The following POMT1 variants were observed in gnomAD, a reference collection of about 807,000 sequenced individuals.
POMT1 encodes protein O-mannosyl-transferase 1.
A neutral mutation model predicts 101.6 loss-of-function variants in POMT1; 85 were observed. The ratio of observed to expected loss-of-function variants is 0.84; its 90% CI spans 0.70 to 1.00. POMT1 has a LOEUF of 1.00. Ranked by LOEUF, POMT1 falls within the 50% of genes least tolerant of loss-of-function variation. The probability of loss-of-function intolerance (pLI) is 0.00; values close to 1 mark genes in which losing one functional copy is unlikely to be tolerated. For missense variants in POMT1, 857 were observed against 930.4 expected, an observed-to-expected ratio of 0.92 and a Z score of 1.03; for synonymous variants, 371 against 383.0, an observed-to-expected ratio of 0.97 and a Z score of 0.37.
In POMT1 at chr9:131,518,333, G is replaced by A. The variant is rs1305626389; in HGVS notation, c.1273-112G>A. ...TATAGCTTCCCTCACTTGGGGACTT[G>A]TCCCTTTGTCTCAGGCTCAAGTCAG... On this transcript the variant is annotated intron_variant, in intron 13 of 19. Transcript: ENST00000402686. 6 of 956,228 alleles carry A rather than the reference G, an allele frequency of 6.3e-6. No individual in the cohort carries two copies. The South Asian group carries it at 6.5e-5, about 10-fold the overall frequency. The allele number at this position is 956,228 out of a possible 1,614,324, so 59.2% of individuals were successfully genotyped here.
In POMT1 at chr9:131,512,055, G is replaced by A. The variant is rs746867165; in HGVS notation, c.1001G>A (p.Arg334Gln). 16 of 1,613,960 alleles carry A rather than the reference G, an allele frequency of 9.9e-6. No individual in the cohort carries two copies. The highest frequency in any genetic ancestry group is 5.5e-5 in the South Asian group (5 of 91,086). The stretch of plus-strand genomic sequence containing the variant: ...ACTTCACACAGATATGAGAACGGCC[G>A]AGGCAGCTCCCACCAGCAACAGGTG... ...DTYPMIYENG[R>Q]GSSHQQQVTC... Residue 334 changes from arginine (R) to glutamine (Q), a missense_variant, in exon 11 of 20, where the codon CGA (arginine) becomes CAA (glutamine). Physicochemically the swap from Arg to Gln is conservative, Grantham distance 43. Coordinates refer to ENST00000402686, the MANE Select transcript of POMT1 (RefSeq NM_001077365.2).
At chr9:131,515,383 G>A (rs750684128) in intron 12 of POMT1, 43 bp from the exon 13 acceptor site, 2 of 1,578,074 alleles carry the variant, frequency 1.3e-6, no homozygotes, top group East Asian at 2.2e-5. Context: ...GCCTTCCAGA[G>A]GAGTTCAAGG....
rs147601415 is a variant in POMT1, at chr9:131,522,059, G to A, written c.1838G>A (p.Arg613His). 201 of 1,613,942 alleles carry A rather than the reference G, an allele frequency of 1.2e-4. No individual in the cohort carries two copies. The highest frequency in any genetic ancestry group is 1.6e-4 in the Middle Eastern group (1 of 6,084). The change falls in exon 19 of 20, where the codon CGC becomes CAC. Residue 613 changes from arginine (R) to histidine (H), a missense_variant. By Grantham distance (29) the Arg-to-His change is conservative. Transcript: ENST00000402686. This position sits in a 1 kb window ranked among gnomAD's most constrained non-coding sequence, Gnocchi z 5.5. ...VHDLPQDAWL[R>H]WVLAGALCAG... ...CCCTTTCCTATAGATGCCTGGCTGC[G>A]CTGGGTGCTGGCTGGGGCGCTGTGT...
chr9:131,506,257 G>A lies in POMT1; in HGVS notation c.229+37G>A, dbSNP rs1945791389. The A allele has an allele frequency of 1.9e-6, 3 of 1,598,878 alleles. No homozygotes were observed. In the East Asian group the frequency reaches 6.7e-5, roughly 36 times the overall value. On this transcript the variant is annotated intron_variant, in intron 3 of 19. Transcript: ENST00000402686. ...CAGGAGAGTAGCCCCTACCCTTCAG[G>A]ACCTCAAATACATTTAAAACTTATC... is the stretch of plus-strand genomic sequence containing the variant.
Position 131,510,253 on chromosome 9 carries a change from C to T in POMT1, c.700-7C>T, listed in dbSNP as rs1588380391. The T allele has an allele frequency of 1.2e-6, 2 of 1,614,256 alleles. No individual in the cohort carries two copies. The highest frequency in any genetic ancestry group is 4.5e-5 in the East Asian group (2 of 44,894). ...TGGAACATGACTTTTCTTTGAATCT[C>T]TGGCAGGTCTGTGTGTTCTGTCACT... On this transcript the variant is annotated splice_region_variant and splice_polypyrimidine_tract_variant and intron_variant, in intron 8 of 19. Transcript: ENST00000402686.
At chr9:131,520,730 A>T (rs1359953888) in intron 17 of POMT1, among the ~76,000 whole-genome samples, 1 of 152,224 alleles carries the variant, frequency 6.6e-6, no homozygotes, top group East Asian at 1.9e-4. Context: ...CTCTGAGCGC[A>T]CTTTGCATTC....
In POMT1 at chr9:131,520,118, C is replaced by T; in HGVS notation, c.1623C>T (p.His541=). ...CGCTGAGAAGTGATGACTCGGAACA[C>T]AAGTACAGCTCCAGCCCACTGGAGT... ...MLALRSDDSE[H]KYSSSPLEWV... is the part of the protein sequence containing the mutation. The change falls in exon 17 of 20, where the codon CAC becomes CAT. Residue 541 remains histidine, a synonymous_variant. Coordinates refer to ENST00000402686, the MANE Select transcript of POMT1 (RefSeq NM_001077365.2). The T allele has an allele frequency of 6.2e-7, 1 of 1,613,840 alleles. No homozygotes were observed. The highest frequency in any genetic ancestry group is 8.5e-7 in the Non-Finnish European group (1 of 1,180,020).
chr9:131,502,962 T>C lies in POMT1; in HGVS notation c.-142T>C, dbSNP rs1293795322. On this transcript the variant is annotated 5_prime_UTR_variant, in exon 1 of 20. Coordinates refer to ENST00000402686, the MANE Select transcript of POMT1 (RefSeq NM_001077365.2). Reference sequence around the variant, plus strand: ...GTGAATCGAACGTTGAGCAGGGCGGTGGGTGGTGCGGAGTGCCGAGCGGCC... The same window carrying C: ...GTGAATCGAACGTTGAGCAGGGCGGCGGGTGGTGCGGAGTGCCGAGCGGCC... 1 of 152,224 alleles carries C rather than the reference T, an allele frequency of 6.6e-6. No individual in the cohort carries two copies. The highest frequency in any genetic ancestry group is 1.5e-5 in the Non-Finnish European group (1 of 68,112). 9.4% of individuals were successfully genotyped at this position (152,224 alleles called of 1,614,324 possible). A position where few individuals can be genotyped will look rare whatever the true frequency, so the allele number is the denominator to read the frequency against.
Position 131,511,038 on chromosome 9 carries a change from T to A in POMT1, c.856-299T>A, listed in dbSNP as rs10901064. 0.78 allele frequency: 247,869 copies of A among 316,934 alleles called. 98,534 individuals are homozygous for A. Among genetic ancestry groups the A allele is most frequent in the East Asian group, 0.92 (13,992 of 15,244 alleles). The allele number at this position is 316,934 out of a possible 1,614,324, so 19.6% of individuals were successfully genotyped here. A position where few individuals can be genotyped will look rare whatever the true frequency, so the allele number is the denominator to read the frequency against. ...GCTCACCCTAGTCTTGGTTTTCTCA[T>A]CTCTTAGACAGACATCATCATTGCT... On this transcript the variant is annotated intron_variant, in intron 9 of 19. Transcript: ENST00000402686.
At chr9:131,518,799 T>C in intron 14 of POMT1, 38 bp from the exon 15 acceptor site, 1 of 1,613,784 alleles carries the variant, frequency 6.2e-7, no homozygotes, top group Non-Finnish European at 8.5e-7. Flanking sequence ...AGCCACGGCC[T>C]TCCCATCACG....
intron 5 of POMT1, among the ~76,000 whole-genome samples, 168 bp from the exon 6 acceptor site, chr9:131,508,743 G>A (rs2131625671): frequency 1.3e-5 from 2 of 152,316 alleles, no homozygotes; most frequent in African/African-American, 4.8e-5. Context: ...GATGTGTATT[G>A]GGTGATGACT....
chr9:131,505,725 C>T (rs1028003577), intron 2 of POMT1, among the ~76,000 whole-genome samples: 1 of 136,372 alleles, frequency 7.3e-6, no homozygotes, highest in Non-Finnish European at 1.5e-5. Context: ...ATTGGGTCAT[C>T]GCTAGCCACA....
chr9:131,514,042 C>T (rs946595630), intron 12 of POMT1, among the ~76,000 whole-genome samples: 10 of 152,210 alleles, frequency 6.6e-5, no homozygotes, highest in African/African-American at 2.4e-4. Context: ...CTGGAAAGGG[C>T]CCAGTAGCTG....
intron 14 of POMT1, 103 bp from the exon 15 acceptor site, chr9:131,518,734 C>G: frequency 6.3e-7 from 1 of 1,584,554 alleles, no homozygotes; most frequent in Admixed American, 1.7e-5. Context: ...CAAGGGGCAC[C>G]TGCTGACAGC....
chr9:131,511,481 T>C lies in POMT1; in HGVS notation c.986+14T>C, dbSNP rs1254131552. The C allele has an allele frequency of 6.2e-7, 1 of 1,613,886 alleles. No homozygotes were observed. The highest frequency in any genetic ancestry group is 8.5e-7 in the Non-Finnish European group (1 of 1,179,876). On this transcript the variant is annotated intron_variant, in intron 10 of 19. Coordinates refer to ENST00000402686, the MANE Select transcript of POMT1 (RefSeq NM_001077365.2). ...CTACCCCATGATGTAAGGTGATGGT[T>C]TTACTTTGAAGATAATTAAATGCTT...
intron 13 of POMT1, chr9:131,516,996 T>C (rs1470424630): frequency 6.6e-6 from 1 of 152,306 alleles, no homozygotes; most frequent in Non-Finnish European, 1.5e-5. Context: ...AAAAGTCTTC[T>C]GTTACTGGAC....
In POMT1 at chr9:131,523,350, CAGGG is replaced by C. The variant is rs1950336701; in HGVS notation, c.*247_*250del. On this transcript the variant is annotated 3_prime_UTR_variant, in exon 20 of 20. Coordinates refer to ENST00000402686, the MANE Select transcript of POMT1 (RefSeq NM_001077365.2). Reference sequence around the variant, plus strand: ...GTGTCTTTACCCCTGAACTAAGACACAGGGAGTATTTCAGAGGCCAGCGTAGGAG... The same window carrying C: ...GTGTCTTTACCCCTGAACTAAGACACAGTATTTCAGAGGCCAGCGTAGGAG... 1.9e-6 allele frequency: 1 copy of C among 540,328 alleles called. No individual in the cohort carries two copies. Among genetic ancestry groups the C allele is most frequent in the Admixed American group, 3.0e-5 (1 of 33,148 alleles). 33.5% of individuals were successfully genotyped at this position (540,328 alleles called of 1,614,324 possible). A position where few individuals can be genotyped will look rare whatever the true frequency, so the allele number is the denominator to read the frequency against.
intron 2 of POMT1, among the ~76,000 whole-genome samples, chr9:131,505,763 T>A (rs927928109): frequency 5.2e-5 from 1 of 19,256 alleles, no homozygotes; most frequent in Non-Finnish European, 1.1e-4. Context: ...GGGGCGGGGG[T>A]GGGGGGGTTG....
At chr9:131,513,381 G>A in intron 12 of POMT1, 50 bp downstream of exon 12, 2 of 1,544,024 alleles carry the variant, frequency 1.3e-6, no homozygotes, top group East Asian at 2.3e-5. Flanking sequence ...TTCCTCTGTG[G>A]TTCTCTGTTC....
Sources: allele counts gnomAD v4.1 joint callset (sites outside exome capture counted in the v4.1 genomes callset), GRCh38; gene constraint gnomAD v4.1.1; non-coding constraint Gnocchi (gnomAD v3.1); transcripts MANE v1.5; gene names NCBI Gene and HGNC (gene_info 2026-07-23, HGNC 2026-07-21).